The following RHOA variants were observed in gnomAD, a reference collection of about 807,000 sequenced individuals.
RHOA encodes the protein transforming protein RhoA.
In RHOA, 3 loss-of-function variants were observed where a neutral mutation model predicts 17.5. The observed-to-expected ratio is 0.17, with a 90% confidence interval of 0.08 to 0.44. The LOEUF is 0.44. Among genes scored for constraint, RHOA ranks in the 20% least tolerant of loss-of-function variants. RHOA has a pLI of 0.99. For synonymous variants in RHOA, 98 were observed against 88.4 expected (o/e 1.11, Z -0.61); for missense variants, 56 against 242.3 (o/e 0.23, Z 5.10).
At chr3:49,396,168 A>T (rs1287791991) in intron 1 of RHOA, among the ~76,000 whole-genome samples, 1 of 152,248 alleles carries the variant, frequency 6.6e-6, no homozygotes, top group Non-Finnish European at 1.5e-5. Flanking sequence ...GTCTATGAGG[A>T]GGTGTCCAGC....
At chr3:49,407,605 C>T (rs2107913278) in intron 1 of RHOA, among the ~76,000 whole-genome samples, 1 of 152,212 alleles carries the variant, frequency 6.6e-6, no homozygotes, top group East Asian at 1.9e-4. Context: ...ATTAGATCTA[C>T]TCCTACTCAC....
At chr3:49,400,505 T>C (rs572715637) in intron 1 of RHOA, among the ~76,000 whole-genome samples, 5 of 152,270 alleles carry the variant, frequency 3.3e-5, no homozygotes, top group Admixed American at 2.0e-4. Context: ...CACTTCGTCT[T>C]TCAGTGCTGT....
chr3:49,376,791 T>A (rs562992408), intron 1 of RHOA, among the ~76,000 whole-genome samples: 24 of 152,082 alleles, frequency 1.6e-4, no homozygotes, highest in Admixed American at 3.3e-4. Flanking sequence ...TCTTTCTAAG[T>A]TTGGATATTC....
chr3:49,381,609 G>A (rs2048318597), intron 1 of RHOA, among the ~76,000 whole-genome samples: 1 of 151,610 alleles, frequency 6.6e-6, no homozygotes, highest in South Asian at 2.1e-4. Context: ...GCTCACGCCT[G>A]TAATCCCAGC....
intron 3 of RHOA, among the ~76,000 whole-genome samples, chr3:49,365,704 C>T (rs1240540943): frequency 6.6e-6 from 1 of 151,398 alleles, no homozygotes; most frequent in Non-Finnish European, 1.5e-5. Flanking sequence ...AATTCTCCTG[C>T]CTCAGCCTCC....
chr3:49,378,170 T>TGA (rs778143146), intron 1 of RHOA, among the ~76,000 whole-genome samples: 2 of 90,450 alleles, frequency 2.2e-5, no homozygotes, highest in Non-Finnish European at 4.0e-5. Context: ...AACTGTGTCT[T>TGA]AAAAAAAAAA....
intron 1 of RHOA, among the ~76,000 whole-genome samples, chr3:49,383,352 G>A (rs1236487710): frequency 6.7e-6 from 1 of 149,888 alleles, no homozygotes; most frequent in Non-Finnish European, 1.5e-5. Flanking sequence ...CCCGGAAGGT[G>A]GAGCTTGCAG....
chr3:49,362,652 G>A (rs2107830642), intron 3 of RHOA, 26 bp from the exon 4 acceptor site: 1 of 1,598,826 alleles, frequency 6.3e-7, no homozygotes, highest in South Asian at 1.1e-5. Context: ...AGAGAATTTG[G>A]GGATACATAC....
At chr3:49,387,106 A>C (rs1390714860) in intron 1 of RHOA, among the ~76,000 whole-genome samples, 1 of 94,266 alleles carries the variant, frequency 1.1e-5, no homozygotes, top group Non-Finnish European at 1.9e-5. Flanking sequence ...AACAAGAGAG[A>C]AACTCCGTCT....
At chr3:49,372,478 C>A (rs1286143222) in intron 2 of RHOA, among the ~76,000 whole-genome samples, 1 of 152,158 alleles carries the variant, frequency 6.6e-6, no homozygotes, top group African/African-American at 2.4e-5. Context: ...CAGTGGCTCA[C>A]GCCTGTAATC....
At chr3:49,400,768 G>A (rs1014190066) in intron 1 of RHOA, among the ~76,000 whole-genome samples, 2 of 151,764 alleles carry the variant, frequency 1.3e-5, no homozygotes, top group South Asian at 2.1e-4. Context: ...ATTTCCAGCC[G>A]GGCACGGTGG....
At chr3:49,394,054 T>C (rs2048571956) in intron 1 of RHOA, among the ~76,000 whole-genome samples, 1 of 151,926 alleles carries the variant, frequency 6.6e-6, no homozygotes, top group African/African-American at 2.4e-5. Flanking sequence ...TATTTTTTAT[T>C]AGAGACAGGG....
chr3:49,377,384 C>T (rs2107853843), intron 1 of RHOA, among the ~76,000 whole-genome samples: 1 of 152,138 alleles, frequency 6.6e-6, no homozygotes, highest in South Asian at 2.1e-4. Flanking sequence ...CTTGAGAGTC[C>T]AGGAGTTCAA....
intron 1 of RHOA, among the ~76,000 whole-genome samples, chr3:49,408,578 G>A (rs916679998): frequency 6.6e-6 from 1 of 152,158 alleles, no homozygotes; most frequent in African/African-American, 2.4e-5. Context: ...ACAGATTAAA[G>A]ATGAGGGATT....
intron 2 of RHOA, among the ~76,000 whole-genome samples, chr3:49,371,785 T>C (rs1274539754): frequency 6.6e-6 from 1 of 152,102 alleles, no homozygotes; most frequent in African/African-American, 2.4e-5. Context: ...ACAAGAAAAA[T>C]ACTCACAGAC....
intron 2 of RHOA, among the ~76,000 whole-genome samples, chr3:49,375,184 TGG>T (rs1258378133): frequency 2.0e-5 from 3 of 150,976 alleles, no homozygotes; most frequent in African/African-American, 7.3e-5. Context: ...CACTTGAACC[TGG>T]GAGGCAGAGG....
intron 1 of RHOA, among the ~76,000 whole-genome samples, chr3:49,390,693 A>G (rs879642780): frequency 6.6e-6 from 1 of 152,224 alleles, no homozygotes; most frequent in Non-Finnish European, 1.5e-5. Context: ...TCTGTCTAAT[A>G]TTCCAAGGAA....
intron 2 of RHOA, 46 bp from the exon 3 acceptor site, chr3:49,368,594 A>G: frequency 6.2e-7 from 1 of 1,610,668 alleles, no homozygotes; most frequent in African/African-American, 1.3e-5. Flanking sequence ...TAATCCCCCC[A>G]CCCACTTTTA....
intron 3 of RHOA, among the ~76,000 whole-genome samples, chr3:49,364,012 C>T (rs975462426): frequency 6.6e-6 from 1 of 151,898 alleles, no homozygotes; most frequent in African/African-American, 2.4e-5. Context: ...CACGCTACTA[C>T]TGCACTCCAG....
Sources: gnomAD v4.1 joint callset for allele counts (sites outside exome capture counted in the v4.1 genomes callset) on GRCh38, gnomAD v4.1.1 for gene constraint, MANE v1.5 for transcripts, NCBI Gene and HGNC (gene_info 2026-07-23, HGNC 2026-07-21) for gene names.